Variants in DNER observed in about 807,000 individuals in gnomAD.
DNER encodes delta/notch like EGF repeat containing, also known as delta and Notch-like epidermal growth factor-related receptor.
In DNER, 33 loss-of-function variants were observed where a neutral mutation model predicts 78.2. The observed-to-expected ratio is 0.42, with a 90% CI of 0.32 to 0.56. DNER has a LOEUF of 0.56. Ranked by LOEUF, DNER falls within the 20% of genes least tolerant of loss-of-function variation. The pLI, the probability that DNER is intolerant of heterozygous loss-of-function variation, is 0.11. For missense variants in DNER, 918 were observed against 975.3 expected (o/e 0.94, Z 0.78); for synonymous variants, 417 against 384.8 (o/e 1.08, Z -0.98).
chr2:229,512,380 CA>C (rs10658429), intron 6 of DNER, among the ~76,000 whole-genome samples: 66 of 134,208 alleles, frequency 4.9e-4, no homozygotes, highest in Middle Eastern at 8.0e-3. Context: ...GACTCTGTCT[CA>C]AAAAAAAAAA....
At chr2:229,398,748 A>T (rs1162136397) in intron 10 of DNER, among the ~76,000 whole-genome samples, 1 of 152,096 alleles carries the variant, frequency 6.6e-6, no homozygotes, top group Non-Finnish European at 1.5e-5. Flanking sequence ...TGAGTTATAC[A>T]CTATGACCAG....
intron 10 of DNER, among the ~76,000 whole-genome samples, chr2:229,406,096 C>T (rs964241638): frequency 1.2e-4 from 18 of 152,294 alleles, no homozygotes; most frequent in South Asian, 2.1e-4. Flanking sequence ...TCCTACACTT[C>T]GGCTTTTGTC....
chr2:229,527,913 T>C (rs563577862), intron 5 of DNER, among the ~76,000 whole-genome samples: 64 of 152,352 alleles, frequency 4.2e-4, no homozygotes, highest in Admixed American at 2.2e-3. Flanking sequence ...GAAATACATT[T>C]AGCTGAGTAG....
At chr2:229,378,654 C>T (rs1044707486) in intron 11 of DNER, among the ~76,000 whole-genome samples, 2 of 152,154 alleles carry the variant, frequency 1.3e-5, no homozygotes, top group African/African-American at 4.8e-5. Flanking sequence ...CTGTTTAGAT[C>T]TACTGACTAG....
chr2:229,413,867 C>G (rs879706858), intron 9 of DNER, among the ~76,000 whole-genome samples: 2 of 151,836 alleles, frequency 1.3e-5, no homozygotes, highest in Admixed American at 1.3e-4. Flanking sequence ...TAAAGCTTAA[C>G]TTTATCCCTA....
intron 6 of DNER, among the ~76,000 whole-genome samples, chr2:229,487,378 C>G (rs575895043): frequency 1.3e-4 from 20 of 152,350 alleles, no homozygotes; most frequent in African/African-American, 4.8e-4. Flanking sequence ...ATTTCTCTAG[C>G]TCTCAAATAA....
Position 229,657,824 on chromosome 2 carries a change from G to C in DNER, c.276+56324C>G, listed in dbSNP as rs368815158. ...CCAGCCAGCAGCTCTCCTAAATTTG[G>C]AGGGAGAAATCCATTCAGGAGTGCG... On this transcript the variant is annotated intron_variant, in intron 1 of 12. Transcript: ENST00000341772. Among the ~76,000 whole-genome samples the C allele has an allele frequency of 2.5e-4, 38 of 152,286 alleles. 2 individuals carry two copies. In the East Asian group the frequency reaches 7.1e-3, roughly 29 times the overall value.
chr2:229,549,826 G>A (rs183139041), intron 4 of DNER, among the ~76,000 whole-genome samples: 321 of 151,816 alleles, frequency 2.1e-3, no homozygotes, highest in African/African-American at 7.2e-3. Flanking sequence ...CAGAAGAATC[G>A]CTTGAACCCG....
chr2:229,547,344 C>G (rs1332251195), intron 4 of DNER, among the ~76,000 whole-genome samples: 1 of 152,190 alleles, frequency 6.6e-6, no homozygotes, highest in African/African-American at 2.4e-5. Flanking sequence ...AAAATCAGCA[C>G]CAGGCACTTG....
At chr2:229,422,557 T>A (rs1419960830) in intron 8 of DNER, among the ~76,000 whole-genome samples, 3 of 151,978 alleles carry the variant, frequency 2.0e-5, no homozygotes, top group African/African-American at 7.3e-5. Flanking sequence ...GAAGTCATTA[T>A]CACCAAGAGG....
chr2:229,485,305 G>T (rs1035767782), intron 6 of DNER, among the ~76,000 whole-genome samples: 1 of 152,184 alleles, frequency 6.6e-6, no homozygotes, highest in Non-Finnish European at 1.5e-5. Flanking sequence ...GACATAGGAA[G>T]CAAAGCCTGG....
At chr2:229,699,334 T>C (rs1014589163) in intron 1 of DNER, among the ~76,000 whole-genome samples, 1 of 152,210 alleles carries the variant, frequency 6.6e-6, no homozygotes, top group Non-Finnish European at 1.5e-5. Flanking sequence ...CTTCTTAAAA[T>C]AGGCATAAAT....
chr2:229,567,949 C>T (rs191159892), intron 4 of DNER, among the ~76,000 whole-genome samples: 14 of 152,182 alleles, frequency 9.2e-5, no homozygotes, highest in African/African-American at 2.6e-4. Flanking sequence ...AAATTCAATC[C>T]CTCTCCCTCA....
chr2:229,570,517 C>T (rs1697197098), intron 4 of DNER, among the ~76,000 whole-genome samples: 1 of 151,758 alleles, frequency 6.6e-6, no homozygotes, highest in Non-Finnish European at 1.5e-5. Flanking sequence ...ATCCCAGCTA[C>T]GTGGGAGGCT....
intron 6 of DNER, among the ~76,000 whole-genome samples, chr2:229,508,805 T>C (rs1408908884): frequency 6.6e-6 from 1 of 151,834 alleles, no homozygotes; most frequent in South Asian, 2.1e-4. Flanking sequence ...GGCGTGAACC[T>C]GGGAGGCGGA....
At chr2:229,418,023 A>C (rs1467873877) in intron 9 of DNER, 85 bp downstream of exon 9, 2 of 1,597,718 alleles carry the variant, frequency 1.3e-6, no homozygotes, top group African/African-American at 1.3e-5. Context: ...TTCATGGTCC[A>C]ATTAGAGGTT....
intron 8 of DNER, among the ~76,000 whole-genome samples, chr2:229,437,756 G>A (rs1306623088): frequency 6.6e-6 from 1 of 152,108 alleles, no homozygotes; most frequent in African/African-American, 2.4e-5. Flanking sequence ...AACAACAAAA[G>A]TCAAATATGA....
intron 6 of DNER, among the ~76,000 whole-genome samples, chr2:229,493,528 C>T (rs905522874): frequency 6.6e-6 from 1 of 152,104 alleles, no homozygotes; most frequent in African/African-American, 2.4e-5. Flanking sequence ...TTGCTGCCCT[C>T]GAGCCAGCTA....
intron 7 of DNER, among the ~76,000 whole-genome samples, chr2:229,448,368 A>C (rs1291594104): frequency 6.6e-6 from 1 of 152,228 alleles, no homozygotes; most frequent in Non-Finnish European, 1.5e-5. Flanking sequence ...GCTGGGCCGG[A>C]AAGAGGAGTT....
Sources: gnomAD v4.1 joint callset for allele counts (sites outside exome capture counted in the v4.1 genomes callset) on GRCh38, gnomAD v4.1.1 for gene constraint, MANE v1.5 for transcripts, NCBI Gene and HGNC (gene_info 2026-07-23, HGNC 2026-07-21) for gene names.